Variants in CDK13 observed in about 807,000 individuals in gnomAD.
CDK13 encodes the protein cyclin dependent kinase 13, also known as cyclin-dependent kinase 13.
CDK13 carries 40 observed loss-of-function variants against 137.6 expected under a neutral mutation model. That is an observed-to-expected ratio of 0.29 (90% CI 0.23 to 0.38). The LOEUF is 0.38. Among genes scored for constraint, CDK13 ranks in the 10% least tolerant of loss-of-function variants. The probability of loss-of-function intolerance (pLI) is 1.00; values close to 1 mark genes in which losing one functional copy is unlikely to be tolerated. For missense variants in CDK13, 1,704 were observed against 1,951.8 expected (o/e 0.87, Z 2.39); for synonymous variants, 869 against 760.1 (o/e 1.14, Z -2.36).
intron 1 of CDK13, among the ~76,000 whole-genome samples, chr7:39,975,421 CA>C (rs964971000): frequency 2.7e-5 from 4 of 150,938 alleles, no homozygotes; most frequent in Non-Finnish European, 4.4e-5. Flanking sequence ...CAAAGCAAAA[CA>C]AAAAAAACCC....
intron 7 of CDK13, among the ~76,000 whole-genome samples, chr7:40,052,698 T>C (rs966496239): frequency 6.6e-6 from 1 of 152,172 alleles, no homozygotes; most frequent in African/African-American, 2.4e-5. Flanking sequence ...AACATTGTTA[T>C]TGAAAGCAAA....
chr7:40,016,231 A>G (rs572060303), intron 5 of CDK13, among the ~76,000 whole-genome samples: 17 of 152,312 alleles, frequency 1.1e-4, no homozygotes, highest in African/African-American at 2.2e-4. Flanking sequence ...GTAGAGGACA[A>G]TGAGGCTGGG....
At chr7:40,075,602 C>T (rs558264507) in intron 9 of CDK13, among the ~76,000 whole-genome samples, 1 of 152,148 alleles carries the variant, frequency 6.6e-6, no homozygotes, top group East Asian at 1.9e-4. Flanking sequence ...TCTTAAGTTT[C>T]CAAAAGAGGA....
intron 5 of CDK13, among the ~76,000 whole-genome samples, chr7:40,013,254 A>G (rs1020856979): frequency 1.3e-5 from 2 of 152,136 alleles, no homozygotes; most frequent in Non-Finnish European, 2.9e-5. Flanking sequence ...TAGGGGCTTA[A>G]GAGAGAGAGG....
At chr7:39,987,554 G>C in intron 1 of CDK13, 45 bp from the exon 2 acceptor site, 1 of 1,466,334 alleles carries the variant, frequency 6.8e-7, no homozygotes, top group South Asian at 1.5e-5. Flanking sequence ...ATTCCAAACT[G>C]AACCTTTCTC....
intron 12 of CDK13, among the ~76,000 whole-genome samples, chr7:40,090,578 T>C (rs1049414932): frequency 6.6e-6 from 1 of 152,050 alleles, no homozygotes; most frequent in African/African-American, 2.4e-5. Context: ...GGTCTCGAAC[T>C]CCTGACCTTG....
intron 9 of CDK13, chr7:40,069,480 A>C (rs1414632485): frequency 6.2e-6 from 2 of 320,906 alleles, no homozygotes; most frequent in Non-Finnish European, 1.3e-5. Flanking sequence ...TTTTTTCTTC[A>C]AAAGTAAAAG....
At chr7:40,016,989 C>T (rs888431661) in intron 5 of CDK13, among the ~76,000 whole-genome samples, 1 of 151,916 alleles carries the variant, frequency 6.6e-6, no homozygotes, top group Non-Finnish European at 1.5e-5. Context: ...GAAGAGACAC[C>T]AGAGTCACGT....
At chr7:39,999,284 G>GAGTAGATATTGAGTTATTAGAC (rs1244222961) in intron 3 of CDK13, 77 bp from the exon 4 acceptor site, 1 of 1,174,830 alleles carries the variant, frequency 8.5e-7, no homozygotes, top group African/African-American at 1.6e-5. Flanking sequence ...ATTGGGTGGC[G>GAGTAGATATTGAGTTATTAGAC]AGTAGATATT....
At chr7:39,972,310 AAAT>A (rs1160881792) in intron 1 of CDK13, among the ~76,000 whole-genome samples, 1 of 152,252 alleles carries the variant, frequency 6.6e-6, no homozygotes, top group African/African-American at 2.4e-5. Context: ...CTAGTTTTAA[AAAT>A]AACATGTTTA....
Position 39,950,794 on chromosome 7 carries a change from G to A in CDK13, c.153G>A (p.Pro51=), listed in dbSNP as rs1402183783. The change falls in exon 1 of 14, where the codon CCG becomes CCA. Residue 51 remains proline, a synonymous_variant. Coordinates refer to ENST00000181839, the MANE Select transcript of CDK13 (RefSeq NM_003718.5). ...LPLLQPQLLQ[P]PPPPPPLLFL... ...TCCTGCAGCCGCAGCTCCTGCAACCGCCGCCGCCCCCGCCGCCTCTGCTCT... is the reference window on the plus strand; with the variant it reads ...TCCTGCAGCCGCAGCTCCTGCAACCACCGCCGCCCCCGCCGCCTCTGCTCT... 2.7e-6 allele frequency: 4 copies of A among 1,462,932 alleles called. No individual in the cohort carries two copies. The highest frequency in any genetic ancestry group is 1.5e-5 in the African/African-American group (1 of 67,806). 90.6% of individuals were successfully genotyped at this position (1,462,932 alleles called of 1,614,324 possible).
intron 2 of CDK13, among the ~76,000 whole-genome samples, chr7:39,991,960 G>A (rs1036588919): frequency 2.6e-5 from 4 of 152,120 alleles, no homozygotes; most frequent in South Asian, 4.1e-4. Context: ...GCTGAGGTGG[G>A]AGCATCACCT....
chr7:40,081,488 G>A (rs1029346695), intron 11 of CDK13, among the ~76,000 whole-genome samples: 1 of 152,024 alleles, frequency 6.6e-6, no homozygotes, highest in Non-Finnish European at 1.5e-5. Flanking sequence ...TTTTCATCTT[G>A]AACTTATGTT....
intron 5 of CDK13, among the ~76,000 whole-genome samples, chr7:40,007,557 C>T (rs1052459481): frequency 1.3e-5 from 2 of 152,104 alleles, no homozygotes; most frequent in African/African-American, 4.8e-5. Context: ...CCCTGAATAG[C>T]TGGGATTACA....
intron 1 of CDK13, among the ~76,000 whole-genome samples, chr7:39,982,799 C>G (rs919707813): frequency 1.3e-5 from 2 of 152,176 alleles, no homozygotes; most frequent in African/African-American, 4.8e-5. Flanking sequence ...TGTCTTCTGG[C>G]TGCATAAATG....
intron 7 of CDK13, among the ~76,000 whole-genome samples, chr7:40,059,531 G>T (rs1786094969): frequency 6.6e-6 from 1 of 152,088 alleles, no homozygotes; most frequent in Non-Finnish European, 1.5e-5. Context: ...GCTAATTTTT[G>T]TATTTTCGGT....
At chr7:40,002,557 A>G (rs373728882) in intron 5 of CDK13, among the ~76,000 whole-genome samples, 4 of 152,312 alleles carry the variant, frequency 2.6e-5, no homozygotes, top group Middle Eastern at 3.4e-3. Flanking sequence ...ATTATAGGGC[A>G]TATGATGGGT....
intron 9 of CDK13, chr7:40,070,513 G>C (rs1275586493): frequency 6.6e-6 from 1 of 151,324 alleles, no homozygotes; most frequent in Non-Finnish European, 1.5e-5. Context: ...TCAGGAGTTT[G>C]AGACCAGCCT....
At chr7:40,008,244 A>G (rs1211750573) in intron 5 of CDK13, among the ~76,000 whole-genome samples, 2 of 152,240 alleles carry the variant, frequency 1.3e-5, no homozygotes, top group Admixed American at 1.3e-4. Flanking sequence ...AGTATTACAT[A>G]AAATCAAAAG....
Sources: gnomAD v4.1 joint callset for allele counts (sites outside exome capture counted in the v4.1 genomes callset) on GRCh38, gnomAD v4.1.1 for gene constraint, MANE v1.5 for transcripts, NCBI Gene and HGNC (gene_info 2026-07-23, HGNC 2026-07-21) for gene names.